NUP205: variants seen among roughly 807,000 people sequenced by gnomAD.
NUP205 encodes nuclear pore complex protein Nup205.
NUP205 carries 76 observed loss-of-function variants against 253.8 expected under a neutral mutation model. That is an observed-to-expected ratio of 0.30 (90% CI 0.25 to 0.36). The LOEUF (loss-of-function observed/expected upper bound fraction) is 0.36, where lower values mean the gene tolerates loss of function less well. NUP205 is among the 10% of genes least tolerant of loss of function. The pLI, the probability that NUP205 is intolerant of heterozygous loss-of-function variation, is 1.00. For missense variants in NUP205, 2,162 were observed against 2,425.5 expected (o/e 0.89, Z 2.28); for synonymous variants, 832 against 850.1 (o/e 0.98, Z 0.37).
In NUP205 at chr7:135,628,019, G is replaced by A; in HGVS notation, c.4840G>A (p.Asp1614Asn). Residue 1614 changes from aspartate to asparagine, a missense_variant, in exon 34 of 43, where the codon GAT (aspartate) becomes AAT (asparagine). Asp to Asn is a conservative substitution (Grantham distance 23). Transcript: ENST00000285968. ...DPPMFIPTPV[D>N]RYRQILLPAL... is the part of the protein sequence containing the mutation. Reference sequence around the variant, plus strand: ...TCCAATGTTCATCCCTACCCCAGTGGATCGCTACCGCCAGATTCTCCTCCC... The same window carrying A: ...TCCAATGTTCATCCCTACCCCAGTGAATCGCTACCGCCAGATTCTCCTCCC... The A allele has an allele frequency of 6.2e-7, 1 of 1,611,524 alleles. No individual in the cohort carries two copies. Among genetic ancestry groups the A allele is most frequent in the Non-Finnish European group, 8.5e-7 (1 of 1,179,508 alleles).
intron 12 of NUP205, among the ~76,000 whole-genome samples, chr7:135,594,094 A>C (rs1262922870): frequency 1.3e-5 from 2 of 152,194 alleles, no homozygotes; most frequent in African/African-American, 4.8e-5. Context: ...AAATATGTAT[A>C]GTTATTACAT....
chr7:135,586,824 T>A (rs73725151), intron 8 of NUP205, among the ~76,000 whole-genome samples: 5,173 of 152,298 alleles, frequency 0.034, 119 homozygotes, highest in Middle Eastern at 0.1. Flanking sequence ...GAGGTTTGTT[T>A]TATGGCTCAG....
intron 16 of NUP205, 113 bp from the exon 17 acceptor site, chr7:135,601,257 C>T (rs1054200034): frequency 2.0e-6 from 2 of 976,028 alleles, no homozygotes; most frequent in Non-Finnish European, 1.5e-6. Context: ...TGAAACTTGC[C>T]TTTATCTATC....
intron 28 of NUP205, among the ~76,000 whole-genome samples, chr7:135,618,804 G>A (rs1175250637): frequency 1.3e-5 from 2 of 152,028 alleles, no homozygotes; most frequent in African/African-American, 2.4e-5. Context: ...GAGTTATCTC[G>A]GGAGCTTTGT....
chr7:135,615,482 G>A (rs920991424), intron 23 of NUP205, among the ~76,000 whole-genome samples: 3 of 152,008 alleles, frequency 2.0e-5, no homozygotes, highest in African/African-American at 7.3e-5. Context: ...CATTAATTGA[G>A]GTATTATAAA....
rs568776011 is a variant in NUP205, at chr7:135,598,072, T to C, written c.2139T>C (p.Thr713=). 3.7e-6 allele frequency: 6 copies of C among 1,614,016 alleles called. No individual in the cohort carries two copies. The African/African-American group carries it at 8.0e-5, about 22-fold the overall frequency. ...GGGCCTTTTGCCAGCTTATTAGTAC[T>C]CTGGTGGAGAGCTCATTTCCTTCTA... ...LTRAFCQLIS[T]LVESSFPSNL... Residue 713 remains threonine, a synonymous_variant, in exon 15 of 43, where the codon ACT becomes ACC. Transcript: ENST00000285968.
At chr7:135,616,110 T>G in intron 24 of NUP205, 45 bp downstream of exon 24, 1 of 1,556,152 alleles carries the variant, frequency 6.4e-7, no homozygotes, top group Non-Finnish European at 8.8e-7. Context: ...CTAGTTGTCG[T>G]GAAGACAAGC....
At chr7:135,580,925 A>G (rs889738818) in intron 7 of NUP205, among the ~76,000 whole-genome samples, 1 of 152,144 alleles carries the variant, frequency 6.6e-6, no homozygotes, top group African/African-American at 2.4e-5. Context: ...TAATAGTAAA[A>G]ATAGGTTAGG....
rs772742783 is a variant in NUP205 at position 135,638,666 on chromosome 7, G to T, written c.5375G>T (p.Arg1792Ile). ...FTPSLSETVN[R>I]DGPRQDTQAP... ...CCTAGCCTTTCAGAAACAGTTAATA[G>T]AGATGGACCGCGGCAAGGTGAGCTT... Residue 1792 changes from arginine to isoleucine, a missense_variant, in exon 38 of 43, where the codon AGA becomes ATA. By Grantham distance (97) the Arg-to-Ile change is moderately conservative. Coordinates refer to ENST00000285968, the MANE Select transcript of NUP205 (RefSeq NM_015135.3). The T allele has an allele frequency of 4.3e-6, 7 of 1,614,024 alleles. No homozygotes were observed. The highest frequency in any genetic ancestry group is 5.1e-6 in the Non-Finnish European group (6 of 1,180,038).
chr7:135,606,070 A>G (rs944275074), intron 19 of NUP205, 75 bp from the exon 20 acceptor site: 14 of 964,798 alleles, frequency 1.5e-5, no homozygotes, highest in Non-Finnish European at 2.2e-5. Context: ...GAATATTTAC[A>G]TATATCAATC....
In NUP205 at chr7:135,607,377, CAG is replaced by C; in HGVS notation, c.3195+8_3195+9del. On this transcript the variant is annotated splice_region_variant and intron_variant, in intron 22 of 42. Transcript: ENST00000285968. ...TGGCTGAGCTATGTTACCAGGTACA[CAG>C]AAAACTGCGTTTTGTGGTACTGAAT... 6.2e-7 allele frequency: 1 copy of C among 1,612,582 alleles called. No homozygotes were observed. Among genetic ancestry groups the C allele is most frequent in the Non-Finnish European group, 8.5e-7 (1 of 1,179,354 alleles).
intron 11 of NUP205, among the ~76,000 whole-genome samples, chr7:135,592,622 C>T (rs757434278): frequency 3.3e-5 from 5 of 152,194 alleles, no homozygotes; most frequent in African/African-American, 4.8e-5. Flanking sequence ...TGCAGTGGCT[C>T]ATGCCTGTAA....
At chr7:135,606,958 G>A in intron 21 of NUP205, 43 bp downstream of exon 21, 5 of 1,563,054 alleles carry the variant, frequency 3.2e-6, no homozygotes, top group Non-Finnish European at 2.6e-6. Flanking sequence ...TTCCATATTT[G>A]TGTATCTCAG....
intron 11 of NUP205, among the ~76,000 whole-genome samples, chr7:135,592,219 C>T (rs1230085531): frequency 1.3e-5 from 2 of 152,190 alleles, no homozygotes; most frequent in Non-Finnish European, 2.9e-5. Flanking sequence ...TCAAGCCTGC[C>T]AGTCTTGTGT....
chr7:135,604,455 G>T lies in NUP205; in HGVS notation c.2818G>T (p.Asp940Tyr), dbSNP rs769572178. 4.4e-6 allele frequency: 7 copies of T among 1,600,500 alleles called. No individual in the cohort carries two copies. The South Asian group carries it at 4.6e-5, about 10-fold the overall frequency. Residue 940 changes from aspartate (D) to tyrosine (Y), a missense_variant, in exon 19 of 43, where the codon GAC (aspartate) becomes TAC (tyrosine). Physicochemically the swap from Asp to Tyr is radical, Grantham distance 160. Around this residue, in one of 5 missense-constraint regions of NUP205, gnomAD observed 892 missense variants for 957.1 expected, o/e 0.93. Transcript: ENST00000285968. ...AAAGTTGGTTGGAGATTTCACACAT[G>T]ACCAGGTAACTGATTTTGTTGCTCT... is the stretch of plus-strand genomic sequence containing the variant. ...QIKLVGDFTH[D>Y]QSISQKLMAG... is the part of the protein sequence containing the mutation.
At chr7:135,645,674 T>C in intron 41 of NUP205, 78 bp downstream of exon 41, 1 of 1,444,888 alleles carries the variant, frequency 6.9e-7, no homozygotes, top group Admixed American at 2.2e-5. Flanking sequence ...TTTTTTTTAT[T>C]TTTGTTTCCA....
At chr7:135,573,567 T>G in intron 2 of NUP205, 87 bp from the exon 3 acceptor site, 2 of 890,732 alleles carry the variant, frequency 2.2e-6, no homozygotes, top group Non-Finnish European at 3.4e-6. Flanking sequence ...CAGGCTGAAT[T>G]ATCATGAATA....
intron 22 of NUP205, chr7:135,613,861 G>A (rs577345363): frequency 6.2e-6 from 1 of 160,912 alleles, no homozygotes; most frequent in East Asian, 1.7e-4. Flanking sequence ...ATACTAAAAT[G>A]TACTATATGT....
chr7:135,616,441 T>A (rs1419934143), intron 24 of NUP205, among the ~76,000 whole-genome samples: 1 of 152,194 alleles, frequency 6.6e-6, no homozygotes, highest in African/African-American at 2.4e-5. Flanking sequence ...TCTTTACAAT[T>A]GTGCAGTGGA....
Sources: allele counts gnomAD v4.1 joint callset (sites outside exome capture counted in the v4.1 genomes callset), GRCh38; gene constraint gnomAD v4.1.1; regional missense constraint gnomAD v4.1.1; transcripts MANE v1.5; gene names NCBI Gene and HGNC (gene_info 2026-07-23, HGNC 2026-07-21).